NEMP2: variants seen among roughly 807,000 people sequenced by gnomAD.
NEMP2 encodes nuclear envelope integral membrane protein 2, also known as UPF0571 transmembrane protein.
A neutral mutation model predicts 54.2 loss-of-function variants in NEMP2; 53 were observed. That is an observed-to-expected ratio of 0.98 (90% CI 0.78 to 1.23). The LOEUF is 1.23. Ranked by LOEUF, NEMP2 falls within the 50% of genes most tolerant of loss-of-function variation. The pLI is 0.00. For synonymous variants in NEMP2, 197 were observed against 190.3 expected, an observed-to-expected ratio of 1.04 and a Z score of -0.29; for missense variants, 455 against 511.3, an observed-to-expected ratio of 0.89 and a Z score of 1.06.
the NEMP2 span, among the ~76,000 whole-genome samples, chr2:190,433,750 G>T: frequency 6.6e-6 from 1 of 152,104 alleles, no homozygotes; most frequent in Non-Finnish European, 1.5e-5. The surrounding 1 kb of genome is among the most constrained non-coding windows in gnomAD (Gnocchi z 4.5). Flanking sequence ...GTGTTCCATT[G>T]TCTACCTAGG....
At chr2:190,524,596 C>A (rs896560504) in intron 2 of NEMP2, among the ~76,000 whole-genome samples, 2 of 152,176 alleles carry the variant, frequency 1.3e-5, no homozygotes, top group Admixed American at 1.3e-4. Context: ...ACCTTCTCAA[C>A]GAGAACTACC....
chr2:190,563,400 C>T, the NEMP2 span, among the ~76,000 whole-genome samples: 1 of 152,134 alleles, frequency 6.6e-6, no homozygotes, highest in South Asian at 2.1e-4. This position sits in a 1 kb window ranked among gnomAD's most constrained non-coding sequence, Gnocchi z 4.3. Flanking sequence ...AGACAAAGCT[C>T]AAGAATGTGC....
the NEMP2 span, among the ~76,000 whole-genome samples, chr2:190,615,876 T>G: frequency 5.9e-5 from 9 of 152,232 alleles, no homozygotes; most frequent in Non-Finnish European, 1.2e-4. This position sits in a 1 kb window ranked among gnomAD's most constrained non-coding sequence, Gnocchi z 4.7. Flanking sequence ...TTGCTTGCTT[T>G]GGTCTCCTGG....
the NEMP2 span, chr2:190,624,972 T>C: frequency 2.0e-5 from 3 of 152,226 alleles, no homozygotes; most frequent in Admixed American, 6.5e-5. Context: ...TTGACAAGGA[T>C]GTGGGGAAAT....
At chr2:190,451,994 C>G in the NEMP2 span, among the ~76,000 whole-genome samples, 1 of 151,966 alleles carries the variant, frequency 6.6e-6, no homozygotes, top group East Asian at 1.9e-4. This position sits in a 1 kb window ranked among gnomAD's most constrained non-coding sequence, Gnocchi z 5.0. Context: ...ACAAGCTGTG[C>G]TGTTTTTTTG....
At chr2:190,467,863 A>G in the NEMP2 span, among the ~76,000 whole-genome samples, 4 of 152,218 alleles carry the variant, frequency 2.6e-5, no homozygotes, top group Admixed American at 2.0e-4. The surrounding 1 kb of genome is among the most constrained non-coding windows in gnomAD (Gnocchi z 5.5). Context: ...ATTCATTTAC[A>G]TATTGCCTGT....
chr2:190,634,420 C>T, the NEMP2 span, among the ~76,000 whole-genome samples: 2 of 151,720 alleles, frequency 1.3e-5, no homozygotes, highest in South Asian at 2.1e-4. The surrounding 1 kb of genome is among the most constrained non-coding windows in gnomAD (Gnocchi z 6.8). Flanking sequence ...TTCTGCTATA[C>T]AAAATAAGAG....
Position 190,514,352 on chromosome 2 carries a change from A to C in NEMP2, c.953+101T>G. 8.8e-7 allele frequency: 1 copy of C among 1,134,294 alleles called. No individual in the cohort carries two copies. Among genetic ancestry groups the C allele is most frequent in the East Asian group, 2.6e-5 (1 of 38,566 alleles). The allele number at this position is 1,134,294 out of a possible 1,614,324, so 70.3% of individuals were successfully genotyped here. A position where few individuals can be genotyped will look rare whatever the true frequency, so the allele number is the denominator to read the frequency against. On this transcript the variant is annotated intron_variant, in intron 7 of 8. Transcript: ENST00000409150. This position sits in a 1 kb window ranked among gnomAD's most constrained non-coding sequence, Gnocchi z 5.7. Reference sequence around the variant, plus strand: ...GCTCAGAATGAAATCTCCAGATCAAATGTAATTATGAGATTAACATGATGT... The same window carrying C: ...GCTCAGAATGAAATCTCCAGATCAACTGTAATTATGAGATTAACATGATGT...
the NEMP2 span, among the ~76,000 whole-genome samples, chr2:190,545,369 C>G: frequency 2.6e-5 from 4 of 152,242 alleles, no homozygotes; most frequent in East Asian, 5.8e-4. Flanking sequence ...TTTTTCCCCC[C>G]ACTGGGGTAA....
At chr2:190,494,880 C>T in the NEMP2 span, among the ~76,000 whole-genome samples, 1 of 152,096 alleles carries the variant, frequency 6.6e-6, no homozygotes, top group African/African-American at 2.4e-5. The surrounding 1 kb of genome is among the most constrained non-coding windows in gnomAD (Gnocchi z 5.7). Context: ...GTGATAAACC[C>T]ACAGCCAACA....
At chr2:190,428,801 T>G in the NEMP2 span, among the ~76,000 whole-genome samples, 6 of 151,760 alleles carry the variant, frequency 4.0e-5, no homozygotes, top group Non-Finnish European at 8.8e-5. Context: ...GCCCCCCGAG[T>G]AGCTGGGATT....
At chr2:190,431,047 C>CTGCAATCTCG in the NEMP2 span, among the ~76,000 whole-genome samples, 1 of 144,008 alleles carries the variant, frequency 6.9e-6, no homozygotes. This position sits in a 1 kb window ranked among gnomAD's most constrained non-coding sequence, Gnocchi z 4.4. Flanking sequence ...CGGGCAGAGG[C>CTGCAATCTCG]GCTCCTCACC....
chr2:190,622,270 T>C, the NEMP2 span, among the ~76,000 whole-genome samples: 1 of 151,594 alleles, frequency 6.6e-6, no homozygotes, highest in Non-Finnish European at 1.5e-5. Flanking sequence ...TAACTGGGTG[T>C]GGTGGTGTGA....
At chr2:190,595,824 T>G in the NEMP2 span, among the ~76,000 whole-genome samples, 10 of 152,194 alleles carry the variant, frequency 6.6e-5, no homozygotes, top group Admixed American at 6.5e-4. This position sits in a 1 kb window ranked among gnomAD's most constrained non-coding sequence, Gnocchi z 4.0. Flanking sequence ...GTTCAACCAC[T>G]GTGGAAGACA....
chr2:190,629,552 A>G, the NEMP2 span, among the ~76,000 whole-genome samples: 1 of 152,206 alleles, frequency 6.6e-6, no homozygotes, highest in Non-Finnish European at 1.5e-5. Flanking sequence ...ATGCCCCCCA[A>G]AACTAAGCAG....
At chr2:190,464,578 T>C in the NEMP2 span, among the ~76,000 whole-genome samples, 1 of 152,308 alleles carries the variant, frequency 6.6e-6, no homozygotes, top group South Asian at 2.1e-4. Context: ...GATTCTATGG[T>C]GAACCCTTGT....
the NEMP2 span, among the ~76,000 whole-genome samples, chr2:190,604,611 A>T: frequency 6.6e-6 from 1 of 152,170 alleles, no homozygotes; most frequent in Non-Finnish European, 1.5e-5. This position sits in a 1 kb window ranked among gnomAD's most constrained non-coding sequence, Gnocchi z 4.5. Context: ...AGGGTAGGTC[A>T]CATTCTCAAG....
chr2:190,568,505 T>C, the NEMP2 span, among the ~76,000 whole-genome samples: 2 of 152,176 alleles, frequency 1.3e-5, no homozygotes, highest in African/African-American at 4.8e-5. This position sits in a 1 kb window ranked among gnomAD's most constrained non-coding sequence, Gnocchi z 4.7. Context: ...TGAATAATAT[T>C]TGTCATTTTA....
chr2:190,491,902 C>CA, the NEMP2 span, among the ~76,000 whole-genome samples: 1 of 151,744 alleles, frequency 6.6e-6, no homozygotes, highest in East Asian at 1.9e-4. This position sits in a 1 kb window ranked among gnomAD's most constrained non-coding sequence, Gnocchi z 4.2. Flanking sequence ...TTAAGGAAAT[C>CA]AAAAAAATGA....
Sources: gnomAD v4.1 joint callset for allele counts (sites outside exome capture counted in the v4.1 genomes callset) on GRCh38, gnomAD v4.1.1 for gene constraint, Gnocchi (gnomAD v3.1) non-coding constraint, MANE v1.5 for transcripts, NCBI Gene and HGNC (gene_info 2026-07-23, HGNC 2026-07-21) for gene names.